SCFD2: variants seen among roughly 807,000 people sequenced by gnomAD.
The protein encoded by SCFD2 is sec1 family domain containing 2.
In SCFD2, 54 loss-of-function variants were observed where a neutral mutation model predicts 58.9. The observed-to-expected ratio is 0.92, with a 90% CI of 0.74 to 1.15. The LOEUF (loss-of-function observed/expected upper bound fraction) is 1.15. SCFD2 is among the 50% of genes most tolerant of loss of function. SCFD2 has a pLI of 0.00. For missense variants in SCFD2, 805 were observed against 836.6 expected, an observed-to-expected ratio of 0.96 and a Z score of 0.47; for synonymous variants, 321 against 335.9, an observed-to-expected ratio of 0.96 and a Z score of 0.49.
At chr4:52,954,902 A>G (rs1012720599) in intron 5 of SCFD2, among the ~76,000 whole-genome samples, 3 of 152,136 alleles carry the variant, frequency 2.0e-5, no homozygotes, top group African/African-American at 7.2e-5. Context: ...TATCTGTACG[A>G]GTACACACTC....
At chr4:53,325,210 C>CATATTTGT in intron 2 of SCFD2, among the ~76,000 whole-genome samples, 1 of 146,336 alleles carries the variant, frequency 6.8e-6, no homozygotes, top group South Asian at 2.2e-4. Flanking sequence ...CGCACGCTTA[C>CATATTTGT]ATATTTGTGA....
At chr4:53,240,493 T>G (rs1265648497) in intron 4 of SCFD2, among the ~76,000 whole-genome samples, 10 of 152,136 alleles carry the variant, frequency 6.6e-5, no homozygotes, top group Non-Finnish European at 1.3e-4. Context: ...AAAGGGAAGG[T>G]TGCCTGTATT....
intron 5 of SCFD2, among the ~76,000 whole-genome samples, chr4:53,135,461 C>T (rs1284505301): frequency 1.3e-5 from 2 of 152,162 alleles, no homozygotes; most frequent in East Asian, 1.9e-4. Context: ...TCAGGCTAGG[C>T]GTGGTGGCTC....
At chr4:53,114,263 T>C (rs185002145) in intron 5 of SCFD2, among the ~76,000 whole-genome samples, 36 of 152,262 alleles carry the variant, frequency 2.4e-4, no homozygotes, top group Admixed American at 1.6e-3. Context: ...CTACACATAG[T>C]ATTAACATAA....
intron 5 of SCFD2, among the ~76,000 whole-genome samples, chr4:53,039,839 C>T (rs1386975857): frequency 2.0e-5 from 3 of 152,126 alleles, no homozygotes; most frequent in Non-Finnish European, 4.4e-5. Flanking sequence ...GTGGTGAAAA[C>T]AGGATTCTCT....
intron 4 of SCFD2, among the ~76,000 whole-genome samples, chr4:53,147,381 T>G (rs865834687): frequency 6.6e-6 from 1 of 152,284 alleles, no homozygotes; most frequent in African/African-American, 2.4e-5. Flanking sequence ...CTGGAAAAAT[T>G]TGGATAGATC....
intron 3 of SCFD2, among the ~76,000 whole-genome samples, chr4:53,283,687 G>C (rs1211557503): frequency 1.3e-5 from 2 of 151,910 alleles, no homozygotes; most frequent in South Asian, 2.1e-4. Context: ...TCATGGCTCA[G>C]CCTCCCAAGA....
intron 5 of SCFD2, among the ~76,000 whole-genome samples, chr4:52,961,579 T>C (rs554714960): frequency 2.0e-5 from 3 of 152,172 alleles, no homozygotes; most frequent in African/African-American, 2.4e-5. Flanking sequence ...CCCTGGTTGA[T>C]GTTGAGCAGC....
rs1391349982 is a variant in SCFD2, at chr4:53,365,550, G to A, written c.392C>T (p.Pro131Leu). 18 of 1,614,074 alleles carry A rather than the reference G, an allele frequency of 1.1e-5. No individual in the cohort carries two copies. The highest frequency in any genetic ancestry group is 1.4e-5 in the Non-Finnish European group (17 of 1,180,018). ...AAAAEMEGQQPVFEQLEEKLC... is the reference protein window; with the variant it reads ...AAAAEMEGQQLVFEQLEEKLC... ...CTTCTCCTCCAGCTGCTCGAACACC[G>A]GCTGCTGCCCCTCCATCTCGGCCGC... The change falls in exon 1 of 9, where the codon CCG (proline) becomes CTG (leucine). Residue 131 changes from proline to leucine, a missense_variant. Pro to Leu is a moderately conservative substitution (Grantham distance 98). Coordinates refer to ENST00000401642, the MANE Select transcript of SCFD2 (RefSeq NM_152540.4). This position sits in a 1 kb window ranked among gnomAD's most constrained non-coding sequence, Gnocchi z 4.3.
intron 4 of SCFD2, among the ~76,000 whole-genome samples, chr4:53,246,176 C>A (rs1730063818): frequency 2.6e-5 from 4 of 152,040 alleles, no homozygotes; most frequent in Admixed American, 1.3e-4. Context: ...TTACAAAACA[C>A]TGCTCAAAAA....
At chr4:53,007,288 G>C (rs1279002716) in intron 5 of SCFD2, among the ~76,000 whole-genome samples, 1 of 127,610 alleles carries the variant, frequency 7.8e-6, no homozygotes, top group Non-Finnish European at 1.7e-5. Context: ...AGAGGAGAGA[G>C]AGGGAGAGAG....
At chr4:53,099,683 A>T (rs571827270) in intron 5 of SCFD2, among the ~76,000 whole-genome samples, 1 of 152,272 alleles carries the variant, frequency 6.6e-6, no homozygotes, top group South Asian at 2.1e-4. Context: ...CAGCTCTAGA[A>T]GGAACTATTA....
chr4:52,889,806 AATC>A (rs1718839386), intron 7 of SCFD2, among the ~76,000 whole-genome samples: 1 of 152,180 alleles, frequency 6.6e-6, no homozygotes, highest in African/African-American at 2.4e-5. Flanking sequence ...CCCCACAGGC[AATC>A]ATCATCTTGA....
intron 5 of SCFD2, among the ~76,000 whole-genome samples, chr4:52,974,147 A>T (rs538450328): frequency 1.8e-4 from 27 of 152,334 alleles, no homozygotes; most frequent in African/African-American, 6.3e-4. Context: ...CCTATTCAAC[A>T]TAGTGTTGGA....
chr4:53,088,890 T>A (rs970690108), intron 5 of SCFD2, among the ~76,000 whole-genome samples: 12 of 151,994 alleles, frequency 7.9e-5, no homozygotes, highest in Admixed American at 7.9e-4. Flanking sequence ...GAAATACTAA[T>A]CTCCAATGTG....
chr4:53,055,748 C>T (rs1489114177), intron 5 of SCFD2, among the ~76,000 whole-genome samples: 2 of 152,126 alleles, frequency 1.3e-5, no homozygotes, highest in East Asian at 3.9e-4. Context: ...AGAGTAAACG[C>T]CCTGGCACAC....
At chr4:53,113,511 G>A (rs1160089896) in intron 5 of SCFD2, among the ~76,000 whole-genome samples, 3 of 152,096 alleles carry the variant, frequency 2.0e-5, no homozygotes, top group African/African-American at 7.2e-5. Flanking sequence ...GAAATGTTAA[G>A]GCTGTTATTT....
At chr4:53,217,088 A>C (rs1201170477) in intron 4 of SCFD2, among the ~76,000 whole-genome samples, 1 of 152,162 alleles carries the variant, frequency 6.6e-6, no homozygotes. Context: ...TTTTGGAATA[A>C]GTGCGATGTG....
intron 5 of SCFD2, among the ~76,000 whole-genome samples, chr4:53,054,744 C>T (rs932832154): frequency 5.3e-5 from 8 of 152,020 alleles, no homozygotes; most frequent in African/African-American, 1.7e-4. Flanking sequence ...GCCTTGACCT[C>T]CTGGGCTTAA....
Sources: allele counts gnomAD v4.1 joint callset (sites outside exome capture counted in the v4.1 genomes callset), GRCh38; gene constraint gnomAD v4.1.1; non-coding constraint Gnocchi (gnomAD v3.1); transcripts MANE v1.5; gene names NCBI Gene and HGNC (gene_info 2026-07-23, HGNC 2026-07-21).